FGF14: variants seen among roughly 807,000 people sequenced by gnomAD.
FGF14 encodes the protein fibroblast growth factor homologous factor 4.
Under a neutral mutation model 25.5 loss-of-function variants are expected in FGF14, and 5 were observed. That is an observed-to-expected ratio of 0.20 (90% CI 0.10 to 0.41). FGF14 has a LOEUF of 0.41. FGF14 is among the 10% of genes least tolerant of loss of function. The probability of loss-of-function intolerance (pLI) is 1.00; values close to 1 mark genes in which losing one functional copy is unlikely to be tolerated. For missense variants in FGF14, 222 were observed against 320.1 expected (o/e 0.69, Z 2.34); for synonymous variants, 138 against 118.3 (o/e 1.17, Z -1.08).
intron 1 of FGF14, among the ~76,000 whole-genome samples, chr13:101,948,711 T>C (rs1203908511): frequency 6.6e-6 from 1 of 151,874 alleles, no homozygotes; most frequent in Non-Finnish European, 1.5e-5. Context: ...AATAAAAAGG[T>C]TTTTTTAATT....
chr13:101,811,526 G>A (rs139389506), intron 3 of FGF14, among the ~76,000 whole-genome samples: 1 of 152,296 alleles, frequency 6.6e-6, no homozygotes, highest in East Asian at 1.9e-4. Flanking sequence ...AGTGCATGTT[G>A]GTTGCTTCCA....
intron 1 of FGF14, among the ~76,000 whole-genome samples, chr13:102,112,612 A>T (rs1341604108): frequency 2.0e-5 from 3 of 152,238 alleles, no homozygotes. Context: ...AAATAAATAA[A>T]ACCACAGCTC....
At chr13:102,172,215 C>T (rs1276933001) in intron 1 of FGF14, among the ~76,000 whole-genome samples, 5 of 151,982 alleles carry the variant, frequency 3.3e-5, no homozygotes, top group African/African-American at 1.2e-4. Flanking sequence ...AGAAAGTAAA[C>T]ATTAAATCAA....
intron 1 of FGF14, among the ~76,000 whole-genome samples, chr13:102,091,395 C>T (rs2044158193): frequency 6.6e-6 from 1 of 152,172 alleles, no homozygotes; most frequent in East Asian, 1.9e-4. Context: ...CTTCCTGTGT[C>T]CCTCTAGGGG....
intron 1 of FGF14, among the ~76,000 whole-genome samples, chr13:101,875,726 A>G (rs1008065721): frequency 8.5e-5 from 13 of 152,142 alleles, no homozygotes; most frequent in Non-Finnish European, 7.4e-5. Context: ...GTTGACAAGT[A>G]TTCCCAAAAT....
chr13:101,785,853 T>C (rs903062862), intron 3 of FGF14, among the ~76,000 whole-genome samples: 2 of 152,192 alleles, frequency 1.3e-5, no homozygotes, highest in African/African-American at 4.8e-5. Context: ...ATTCTCAATG[T>C]TTTAATAACA....
intron 1 of FGF14, among the ~76,000 whole-genome samples, chr13:102,220,838 T>G (rs370862011): frequency 6.6e-6 from 1 of 152,220 alleles, no homozygotes; most frequent in Non-Finnish European, 1.5e-5. Context: ...CTCTTACTCA[T>G]GCTCATGAGA....
At chr13:102,171,476 AT>A (rs2048241466) in intron 1 of FGF14, among the ~76,000 whole-genome samples, 1 of 152,106 alleles carries the variant, frequency 6.6e-6, no homozygotes. Flanking sequence ...CTTTGGGTTA[AT>A]TTTTTTCTTA....
At chr13:102,074,289 AG>A (rs2043269350) in intron 1 of FGF14, among the ~76,000 whole-genome samples, 1 of 152,200 alleles carries the variant, frequency 6.6e-6, no homozygotes, top group South Asian at 2.1e-4. Context: ...CTAGGATTAT[AG>A]GCATGAGCCA....
chr13:102,374,006 A>G (rs1486455962), intron 1 of FGF14, among the ~76,000 whole-genome samples: 4 of 152,138 alleles, frequency 2.6e-5, no homozygotes, highest in Admixed American at 6.6e-5. Context: ...CAACTGCTAC[A>G]GAAGGAACTC....
intron 1 of FGF14, among the ~76,000 whole-genome samples, chr13:101,965,091 A>C (rs960244426): frequency 1.3e-5 from 2 of 151,514 alleles, no homozygotes; most frequent in Admixed American, 6.6e-5. Flanking sequence ...AAAAATACAG[A>C]AAAAAAAATT....
At chr13:102,029,431 CAATG>C (rs1392566475) in intron 1 of FGF14, among the ~76,000 whole-genome samples, 6 of 151,958 alleles carry the variant, frequency 3.9e-5, no homozygotes, top group Non-Finnish European at 8.8e-5. Flanking sequence ...AGAGCTAGCC[CAATG>C]AACAAAATAT....
intron 1 of FGF14, among the ~76,000 whole-genome samples, chr13:102,021,851 G>A (rs147089465): frequency 1.3e-5 from 2 of 152,012 alleles, no homozygotes; most frequent in Non-Finnish European, 2.9e-5. Context: ...CAGGAGCCAT[G>A]ACTTCTATTC....
rs1452414127 is a variant in FGF14 at position 101,916,931 on chromosome 13, C to T, written c.-286G>A. Among the ~76,000 whole-genome samples the T allele has an allele frequency of 6.6e-6, 1 of 151,948 alleles. No individual in the cohort carries two copies. The highest frequency in any genetic ancestry group is 1.5e-5 in the Non-Finnish European group (1 of 67,932). On this transcript the variant is annotated 5_prime_UTR_variant, in exon 1 of 5. Coordinates refer to ENST00000376143, the MANE Select transcript of FGF14 (RefSeq NM_004115.4). ...CGCTTGGCCACGTCCGAGTGGAGAG[C>T]GGGACCGCGGCTGCGGGCGCTGCTG...
At chr13:101,882,756 A>T (rs946286010) in intron 1 of FGF14, among the ~76,000 whole-genome samples, 2 of 152,120 alleles carry the variant, frequency 1.3e-5, no homozygotes, top group East Asian at 3.9e-4. Context: ...CATATCTAGA[A>T]CTATTTAGAG....
intron 3 of FGF14, among the ~76,000 whole-genome samples, chr13:101,758,619 T>C (rs2037807816): frequency 6.6e-6 from 1 of 152,186 alleles, no homozygotes; most frequent in Non-Finnish European, 1.5e-5. Context: ...CAGGGCTTGC[T>C]TGGCACCCAG....
intron 1 of FGF14, among the ~76,000 whole-genome samples, chr13:102,302,755 A>G (rs1004044043): frequency 6.6e-6 from 1 of 152,256 alleles, no homozygotes; most frequent in Middle Eastern, 3.4e-3. Context: ...TACTTCCAGC[A>G]TATGTCCAGA....
intron 1 of FGF14, among the ~76,000 whole-genome samples, chr13:101,952,522 A>T (rs1463084854): frequency 6.6e-6 from 1 of 152,170 alleles, no homozygotes; most frequent in Non-Finnish European, 1.5e-5. Flanking sequence ...CTGAATGATG[A>T]AACGACACAA....
At chr13:102,295,555 G>A (rs1594762680) in intron 1 of FGF14, among the ~76,000 whole-genome samples, 2 of 152,210 alleles carry the variant, frequency 1.3e-5, no homozygotes, top group Admixed American at 6.5e-5. Context: ...AAAGGTCGGC[G>A]AAGCAGGCAT....
Sources: allele counts gnomAD v4.1 joint callset (sites outside exome capture counted in the v4.1 genomes callset), GRCh38; gene constraint gnomAD v4.1.1; transcripts MANE v1.5; gene names NCBI Gene and HGNC (gene_info 2026-07-23, HGNC 2026-07-21).